Variants in CNTNAP2 observed in about 807,000 individuals in gnomAD.
CNTNAP2 encodes the protein contactin-associated protein-like 2.
Under a neutral mutation model 155.2 loss-of-function variants are expected in CNTNAP2, and 98 were observed. That is an observed-to-expected ratio of 0.63 (90% CI 0.54 to 0.75). The LOEUF is 0.75. Among genes scored for constraint, CNTNAP2 ranks in the 30% least tolerant of loss-of-function variants. The pLI, the probability that CNTNAP2 is intolerant of heterozygous loss-of-function variation, is 0.00. For synonymous variants in CNTNAP2, 651 were observed against 631.2 expected, an observed-to-expected ratio of 1.03 and a Z score of -0.47; for missense variants, 1,727 against 1,688.1, an observed-to-expected ratio of 1.02 and a Z score of -0.40.
chr7:147,226,226 T>C (rs915320541), intron 8 of CNTNAP2, among the ~76,000 whole-genome samples: 2 of 152,140 alleles, frequency 1.3e-5, no homozygotes, highest in African/African-American at 4.8e-5. Flanking sequence ...TGTAGTGCAA[T>C]TGTCACCATA....
chr7:146,969,970 T>C (rs1157132078), intron 3 of CNTNAP2, among the ~76,000 whole-genome samples: 2 of 152,212 alleles, frequency 1.3e-5, no homozygotes, highest in Non-Finnish European at 1.5e-5. Context: ...AAGGATTCCC[T>C]ATTTAATAAA....
At chr7:147,832,832 C>T (rs1798574755) in intron 13 of CNTNAP2, among the ~76,000 whole-genome samples, 3 of 64,184 alleles carry the variant, frequency 4.7e-5, no homozygotes, top group Non-Finnish European at 8.1e-5. Context: ...TATATTTATT[C>T]TATAATATAG....
At chr7:146,482,206 G>GAAAAAAAAA (rs749887909) in intron 1 of CNTNAP2, among the ~76,000 whole-genome samples, 6 of 82,166 alleles carry the variant, frequency 7.3e-5, no homozygotes, top group African/African-American at 2.9e-4. Context: ...CTAAGAATTA[G>GAAAAAAAAA]AAAAAAAAAA....
chr7:147,048,067 A>ATTTTTTTTTTTTTTTTTTTTTTTTTTTTT (rs11352009), intron 4 of CNTNAP2, among the ~76,000 whole-genome samples: 1 of 90,374 alleles, frequency 1.1e-5, no homozygotes. Context: ...CGGAGAGACA[A>ATTTTTTTTTTTTTTTTTTTTTTTTTTTTT]TTTTTTTTTT....
chr7:146,731,850 A>C (rs936568729), intron 1 of CNTNAP2, among the ~76,000 whole-genome samples: 16 of 152,098 alleles, frequency 1.1e-4, no homozygotes, highest in African/African-American at 3.4e-4. Context: ...GTATTAAATA[A>C]TTTTTTGAAA....
At chr7:146,660,614 C>G (rs12234818) in intron 1 of CNTNAP2, among the ~76,000 whole-genome samples, 2 of 152,006 alleles carry the variant, frequency 1.3e-5, no homozygotes, top group African/African-American at 4.8e-5. Context: ...AGAGATAATG[C>G]GTATAACACT....
chr7:147,966,878 G>C (rs1343613656), intron 14 of CNTNAP2, among the ~76,000 whole-genome samples: 2 of 152,082 alleles, frequency 1.3e-5, no homozygotes, highest in Non-Finnish European at 2.9e-5. Flanking sequence ...CAGAAACAGA[G>C]GGGAGTTGTC....
intron 4 of CNTNAP2, among the ~76,000 whole-genome samples, chr7:147,071,930 AG>A (rs1000894915): frequency 2.6e-5 from 4 of 152,216 alleles, no homozygotes; most frequent in African/African-American, 9.6e-5. Flanking sequence ...GGATATGCCC[AG>A]GGTATCATGA....
intron 1 of CNTNAP2, among the ~76,000 whole-genome samples, chr7:146,196,595 G>A (rs940687619): frequency 2.0e-5 from 3 of 151,736 alleles, no homozygotes; most frequent in African/African-American, 7.3e-5. Context: ...GAGAGAGAGA[G>A]AAAGAGAAAG....
intron 14 of CNTNAP2, among the ~76,000 whole-genome samples, chr7:147,947,005 G>A (rs1800830970): frequency 6.6e-6 from 1 of 151,842 alleles, no homozygotes; most frequent in South Asian, 2.1e-4. Context: ...AGGGATAAAT[G>A]ACTTACAGGG....
At chr7:146,611,605 A>AT (rs757262660) in intron 1 of CNTNAP2, among the ~76,000 whole-genome samples, 1 of 152,144 alleles carries the variant, frequency 6.6e-6, no homozygotes, top group Non-Finnish European at 1.5e-5. Context: ...ATCTTAAGAG[A>AT]CTGTATCTAC....
chr7:146,503,834 G>T (rs761204126), intron 1 of CNTNAP2, among the ~76,000 whole-genome samples: 1 of 152,110 alleles, frequency 6.6e-6, no homozygotes, highest in African/African-American at 2.4e-5. Flanking sequence ...TTTGATTACT[G>T]TCAGGTTCCA....
At chr7:147,747,621 G>C (rs1797066829) in intron 13 of CNTNAP2, among the ~76,000 whole-genome samples, 1 of 152,130 alleles carries the variant, frequency 6.6e-6, no homozygotes. Context: ...CCAGCAGTGA[G>C]ATTGCTGGAT....
intron 1 of CNTNAP2, among the ~76,000 whole-genome samples, chr7:146,230,526 T>G (rs1799366185): frequency 6.6e-6 from 1 of 152,182 alleles, no homozygotes; most frequent in African/African-American, 2.4e-5. Context: ...GGGTAAAGAA[T>G]AAAGAATGCA....
chr7:147,474,726 A>G (rs1798284970), intron 10 of CNTNAP2, among the ~76,000 whole-genome samples: 1 of 152,238 alleles, frequency 6.6e-6, no homozygotes, highest in South Asian at 2.1e-4. Context: ...GCAGTCTCAC[A>G]AGAAAGAACC....
rs1227891445 is a variant in CNTNAP2, at chr7:147,131,145, CATGTACCATATACATATAT to C, written c.1084-1081_1084-1063del. Among the ~76,000 whole-genome samples the C allele has an allele frequency of 4.6e-3, 685 of 148,946 alleles. 5 individuals are homozygous for C. The highest frequency in any genetic ancestry group is 0.015 in the African/African-American group (617 of 40,694). ...TACATATATATACCATATACATATA[CATGTACCATATACATATAT>C]ATGTACCATATACATATACATATAC... is the stretch of plus-strand genomic sequence containing the variant. On this transcript the variant is annotated intron_variant, in intron 7 of 23. Coordinates refer to ENST00000361727, the MANE Select transcript of CNTNAP2 (RefSeq NM_014141.6).
At chr7:147,284,056 T>C (rs1805117607) in intron 8 of CNTNAP2, among the ~76,000 whole-genome samples, 1 of 151,740 alleles carries the variant, frequency 6.6e-6, no homozygotes, top group African/African-American at 2.4e-5. Flanking sequence ...TCCATGGCCA[T>C]TGTGTTTAAT....
intron 10 of CNTNAP2, among the ~76,000 whole-genome samples, chr7:147,465,377 T>G (rs549195516): frequency 6.6e-6 from 1 of 152,242 alleles, no homozygotes; most frequent in South Asian, 2.1e-4. Flanking sequence ...TCTTATAAAT[T>G]GCAGTGATGT....
rs957770789 is a variant in CNTNAP2 at position 147,810,002 on chromosome 7, G to C, written c.2099-93563G>C. On this transcript the variant is annotated intron_variant, in intron 13 of 23. Transcript: ENST00000361727. ...TGGGTAGACATTTGTAAATGTGACAGAACAGATGACTCATCTCAAGCCAGC... is the reference window on the plus strand; with the variant it reads ...TGGGTAGACATTTGTAAATGTGACACAACAGATGACTCATCTCAAGCCAGC... 5.3e-5 allele frequency among the ~76,000 whole-genome samples: 8 copies of C among 152,158 alleles called. No individual in the cohort carries two copies. The South Asian group carries it at 8.3e-4, about 16-fold the overall frequency.
Sources: gnomAD v4.1 joint callset for allele counts (sites outside exome capture counted in the v4.1 genomes callset) on GRCh38, gnomAD v4.1.1 for gene constraint, MANE v1.5 for transcripts, NCBI Gene and HGNC (gene_info 2026-07-23, HGNC 2026-07-21) for gene names.